CEACAM3: variants seen among roughly 807,000 people sequenced by gnomAD.
CEACAM3 encodes the protein cell adhesion molecule CEACAM3.
Under a neutral mutation model 30.1 loss-of-function variants are expected in CEACAM3, and 32 were observed. The ratio of observed to expected loss-of-function variants is 1.06; its 90% CI spans 0.80 to 1.43. CEACAM3 has a LOEUF of 1.43. CEACAM3 is among the 40% of genes most tolerant of loss of function. The pLI, the probability that CEACAM3 is intolerant of heterozygous loss-of-function variation, is 0.00. For synonymous variants in CEACAM3, 134 were observed against 127.2 expected (o/e 1.05, Z -0.36); for missense variants, 290 against 316.3 (o/e 0.92, Z 0.63).
At chr19:41,798,899 G>T (rs1321360480) in intron 2 of CEACAM3, among the ~76,000 whole-genome samples, 7 of 152,128 alleles carry the variant, frequency 4.6e-5, no homozygotes, top group African/African-American at 1.7e-4. Flanking sequence ...CACCGACTAG[G>T]GTCACACAAG....
At chr19:41,797,232 C>T in intron 1 of CEACAM3, 1 of 278,280 alleles carries the variant, frequency 3.6e-6, no homozygotes, top group Non-Finnish European at 6.8e-6. Flanking sequence ...AATGTGAGTT[C>T]AGGTGTTGAC....
chr19:41,797,578 C>A lies in CEACAM3; in HGVS notation c.65-11C>A, dbSNP rs782638764. ...GGGTCCCAATATTGACTGATGCTTTCTCCCTCCTAGCCTCACTTCTAAACT... is the reference window on the plus strand; with the variant it reads ...GGGTCCCAATATTGACTGATGCTTTATCCCTCCTAGCCTCACTTCTAAACT... On this transcript the variant is annotated splice_polypyrimidine_tract_variant and intron_variant, in intron 1 of 6. Coordinates refer to ENST00000357396, the MANE Select transcript of CEACAM3 (RefSeq NM_001815.5). 2 of 1,607,570 alleles carry A rather than the reference C, an allele frequency of 1.2e-6. No individual in the cohort carries two copies. The highest frequency in any genetic ancestry group is 1.7e-6 in the Non-Finnish European group (2 of 1,176,196).
Position 41,810,359 on chromosome 19 carries a change from G to T in CEACAM3, c.627+5G>T. ...TCCCACAGCTCTGCCTTCTCGGTAA[G>T]CCTGTCCCCTTCCAGCCCCTTTCTA... is the stretch of plus-strand genomic sequence containing the variant. On this transcript the variant is annotated splice_donor_5th_base_variant and intron_variant, in intron 5 of 6. Transcript: ENST00000357396. 6.2e-7 allele frequency: 1 copy of T among 1,601,148 alleles called. No individual in the cohort carries two copies. Among genetic ancestry groups the T allele is most frequent in the Non-Finnish European group, 8.5e-7 (1 of 1,174,464 alleles).
intron 3 of CEACAM3, 102 bp downstream of exon 3, chr19:41,809,032 T>C (rs1225307200): frequency 5.0e-6 from 4 of 804,412 alleles, no homozygotes. Flanking sequence ...CTCCACGGCC[T>C]CCCAAGTCCC....
At chr19:41,805,932 C>T (rs1555826654) in intron 2 of CEACAM3, among the ~76,000 whole-genome samples, 2 of 152,214 alleles carry the variant, frequency 1.3e-5, no homozygotes, top group African/African-American at 4.8e-5. Flanking sequence ...CATGGTTCTG[C>T]TCCAAAGCCA....
At chr19:41,809,027 C>T (rs917699197) in intron 3 of CEACAM3, 97 bp downstream of exon 3, 31 of 860,892 alleles carry the variant, frequency 3.6e-5, no homozygotes, top group Admixed American at 3.1e-4. Flanking sequence ...AGGCTCTCCA[C>T]GGCCTCCCAA....
chr19:41,799,802 A>C (rs920004626), intron 2 of CEACAM3, among the ~76,000 whole-genome samples: 2 of 152,152 alleles, frequency 1.3e-5, no homozygotes, highest in East Asian at 3.8e-4. Flanking sequence ...CTCTTCAGAG[A>C]CCGGATCTTG....
At chr19:41,804,152 A>C (rs2073180112) in intron 2 of CEACAM3, among the ~76,000 whole-genome samples, 1 of 152,174 alleles carries the variant, frequency 6.6e-6, no homozygotes, top group Non-Finnish European at 1.5e-5. Flanking sequence ...TTTTGTATTG[A>C]CAATGGCATA....
intron 3 of CEACAM3, 82 bp from the exon 4 acceptor site, chr19:41,809,883 T>A: frequency 7.2e-7 from 1 of 1,396,756 alleles, no homozygotes; most frequent in Non-Finnish European, 1.0e-6. Flanking sequence ...TGAAAATGGG[T>A]TTCCCTTCTT....
At chr19:41,808,764 T>A (rs782191371) in intron 2 of CEACAM3, 49 bp from the exon 3 acceptor site, 2 of 1,497,370 alleles carry the variant, frequency 1.3e-6, no homozygotes, top group South Asian at 2.3e-5. Flanking sequence ...TGTGGTTTCC[T>A]CTGGGATAGA....
At chr19:41,796,924 G>C (rs1600512880) in intron 1 of CEACAM3, among the ~76,000 whole-genome samples, 183 bp downstream of exon 1, 1 of 152,306 alleles carries the variant, frequency 6.6e-6, no homozygotes, top group African/African-American at 2.4e-5. Context: ...TTGATAAGAG[G>C]GAGGAAAATC....
chr19:41,799,278 G>A (rs544795666), intron 2 of CEACAM3, among the ~76,000 whole-genome samples: 143 of 152,194 alleles, frequency 9.4e-4, no homozygotes, highest in Middle Eastern at 6.8e-3. Flanking sequence ...CTCACTTTGA[G>A]TGCACAGGAG....
intron 1 of CEACAM3, 31 bp from the exon 2 acceptor site, chr19:41,797,558 C>G: frequency 8.8e-6 from 14 of 1,594,466 alleles, no homozygotes; most frequent in Non-Finnish European, 1.2e-5. Flanking sequence ...TACATGGGTC[C>G]CAATATTGAC....
chr19:41,807,339 C>T (rs1277146187), intron 2 of CEACAM3: 19 of 1,606,816 alleles, frequency 1.2e-5, no homozygotes, highest in Admixed American at 6.7e-5. Context: ...TGTGAAATAC[C>T]GAACCCAGTG....
Position 41,811,171 on chromosome 19 carries a change from G to C in CEACAM3, c.694-1G>C, listed in dbSNP as rs1555827585. ...TCCAGGCCTCTTCTCTGTTTTAACAGGAATTGCTAAAACATGACACAAACA... is the reference window on the plus strand; with the variant it reads ...TCCAGGCCTCTTCTCTGTTTTAACACGAATTGCTAAAACATGACACAAACA... On this transcript the variant is annotated splice_acceptor_variant, in intron 6 of 6. Coordinates refer to ENST00000357396, the MANE Select transcript of CEACAM3 (RefSeq NM_001815.5). LOFTEE classifies it high-confidence loss of function. 6.2e-7 allele frequency: 1 copy of C among 1,614,016 alleles called. No homozygotes were observed. The highest frequency in any genetic ancestry group is 8.5e-7 in the Non-Finnish European group (1 of 1,179,918).
At chr19:41,804,223 C>T (rs558465674) in intron 2 of CEACAM3, among the ~76,000 whole-genome samples, 1 of 152,230 alleles carries the variant, frequency 6.6e-6, no homozygotes, top group Admixed American at 6.5e-5. Flanking sequence ...TTCCTGGGAC[C>T]AGGTGGAGCT....
At chr19:41,806,818 C>G (rs1342175962) in intron 2 of CEACAM3, among the ~76,000 whole-genome samples, 2 of 152,166 alleles carry the variant, frequency 1.3e-5, no homozygotes, top group Non-Finnish European at 2.9e-5. Context: ...TCCCAAGTAG[C>G]TGGGACTACA....
intron 3 of CEACAM3, chr19:41,809,742 G>A (rs1245556145): frequency 1.8e-5 from 9 of 502,560 alleles, no homozygotes; most frequent in Admixed American, 3.3e-5. Flanking sequence ...CTCCTGGCCC[G>A]GCATCTGCCT....
At chr19:41,796,785 G>A in intron 1 of CEACAM3, 44 bp downstream of exon 1, 1 of 1,585,096 alleles carries the variant, frequency 6.3e-7, no homozygotes, top group East Asian at 2.2e-5. Flanking sequence ...AGGGATCACA[G>A]AGAATGGCTG....
Sources: gnomAD v4.1 joint callset for allele counts (sites outside exome capture counted in the v4.1 genomes callset) on GRCh38, gnomAD v4.1.1 for gene constraint, MANE v1.5 for transcripts, NCBI Gene and HGNC (gene_info 2026-07-23, HGNC 2026-07-21) for gene names.